CNTN5: variants seen among roughly 807,000 people sequenced by gnomAD.
The protein encoded by CNTN5 is contactin 5, also known as contactin-5.
Under a neutral mutation model 129.1 loss-of-function variants are expected in CNTN5, and 77 were observed. The ratio of observed to expected loss-of-function variants is 0.60; its 90% CI spans 0.50 to 0.72. CNTN5 has a LOEUF of 0.72. Ranked by LOEUF, CNTN5 falls within the 30% of genes least tolerant of loss-of-function variation. CNTN5 has a pLI of 0.00. For synonymous variants in CNTN5, 509 were observed against 465.6 expected (o/e 1.09, Z -1.20); for missense variants, 1,478 against 1,328.8 (o/e 1.11, Z -1.75).
intron 2 of CNTN5, among the ~76,000 whole-genome samples, chr11:99,414,050 G>A (rs78863291): frequency 0.012 from 1,846 of 152,194 alleles, 19 homozygotes; most frequent in Non-Finnish European, 0.016. Flanking sequence ...CAAAAGAAAG[G>A]AGCTTCAGTG....
chr11:99,510,602 G>A (rs1946798846), intron 2 of CNTN5, among the ~76,000 whole-genome samples: 2 of 152,062 alleles, frequency 1.3e-5, no homozygotes, highest in Admixed American at 1.3e-4. Flanking sequence ...GGTCAATAAT[G>A]GACTGCATAT....
intron 2 of CNTN5, among the ~76,000 whole-genome samples, chr11:99,541,536 A>C (rs1305268294): frequency 6.6e-6 from 1 of 152,158 alleles, no homozygotes; most frequent in Admixed American, 6.5e-5. Flanking sequence ...TATTGGACTG[A>C]CCTGCAGCTC....
chr11:100,178,820 G>A (rs923512246), intron 13 of CNTN5, among the ~76,000 whole-genome samples: 4 of 152,134 alleles, frequency 2.6e-5, no homozygotes, highest in Non-Finnish European at 5.9e-5. Context: ...GTGTCAGCAC[G>A]GATGCTTAAA....
At chr11:99,531,660 G>A (rs1947710849) in intron 2 of CNTN5, among the ~76,000 whole-genome samples, 1 of 152,200 alleles carries the variant, frequency 6.6e-6, no homozygotes, top group African/African-American at 2.4e-5. Flanking sequence ...GGTGCACTGT[G>A]TCCCAACCGT....
intron 13 of CNTN5, among the ~76,000 whole-genome samples, chr11:100,112,097 T>A (rs1165207614): frequency 6.6e-6 from 1 of 152,172 alleles, no homozygotes; most frequent in Admixed American, 6.5e-5. Flanking sequence ...GGTGTGGCCA[T>A]ATGACGTGCT....
chr11:99,913,834 G>A (rs945313866), intron 6 of CNTN5, among the ~76,000 whole-genome samples: 1 of 152,050 alleles, frequency 6.6e-6, no homozygotes, highest in African/African-American at 2.4e-5. Context: ...GGATTGAAAT[G>A]GATATTTATG....
chr11:99,551,366 AG>A (rs1948475784), intron 2 of CNTN5, among the ~76,000 whole-genome samples: 1 of 152,142 alleles, frequency 6.6e-6, no homozygotes, highest in Non-Finnish European at 1.5e-5. Flanking sequence ...GTCAGAGTAA[AG>A]GTTGTCTGGT....
chr11:99,887,004 C>G (rs1170284791), intron 6 of CNTN5, among the ~76,000 whole-genome samples: 1 of 152,092 alleles, frequency 6.6e-6, no homozygotes, highest in Admixed American at 6.6e-5. Flanking sequence ...TTATACTAGT[C>G]AGGTTCTGTT....
chr11:99,079,795 G>T (rs781312768), intron 1 of CNTN5, among the ~76,000 whole-genome samples: 1 of 152,116 alleles, frequency 6.6e-6, no homozygotes, highest in African/African-American at 2.4e-5. Context: ...CGTCAACCTG[G>T]TGAACTCCAA....
At chr11:99,991,334 G>A (rs889100496) in intron 8 of CNTN5, among the ~76,000 whole-genome samples, 1 of 129,986 alleles carries the variant, frequency 7.7e-6, no homozygotes, top group Admixed American at 7.2e-5. Context: ...AGGCGTGGTG[G>A]TGGGTCCCTG....
chr11:100,169,341 G>A (rs965628424), intron 13 of CNTN5, among the ~76,000 whole-genome samples: 9 of 151,896 alleles, frequency 5.9e-5, no homozygotes, highest in African/African-American at 2.2e-4. Flanking sequence ...CTGTATCGTT[G>A]TCTTATTTTA....
intron 13 of CNTN5, among the ~76,000 whole-genome samples, chr11:100,137,435 G>A (rs1473512330): frequency 1.3e-5 from 2 of 151,958 alleles, no homozygotes; most frequent in African/African-American, 4.8e-5. Flanking sequence ...CTAAATATAG[G>A]AACTCTCATG....
At chr11:100,039,369 T>G (rs1942239788) in intron 9 of CNTN5, among the ~76,000 whole-genome samples, 1 of 152,334 alleles carries the variant, frequency 6.6e-6, no homozygotes, top group South Asian at 2.1e-4. Context: ...CCTTTGAGGG[T>G]AACCCGACCT....
At chr11:99,331,650 GTAGAT>G (rs1252508696) in intron 2 of CNTN5, among the ~76,000 whole-genome samples, 1 of 152,114 alleles carries the variant, frequency 6.6e-6, no homozygotes, top group Non-Finnish European at 1.5e-5. Flanking sequence ...CATATCTGCA[GTAGAT>G]CAACTTTCCA....
At chr11:100,027,479 G>C (rs941433714) in intron 9 of CNTN5, among the ~76,000 whole-genome samples, 4 of 152,152 alleles carry the variant, frequency 2.6e-5, no homozygotes, top group Admixed American at 1.3e-4. Context: ...ATGGATGTTA[G>C]GTTAGGAACT....
At chr11:99,813,099 A>G (rs192891842) in intron 3 of CNTN5, among the ~76,000 whole-genome samples, 23 of 152,194 alleles carry the variant, frequency 1.5e-4, no homozygotes, top group African/African-American at 5.1e-4. Context: ...TCATGGCCAT[A>G]TCACCTGTTC....
intron 16 of CNTN5, among the ~76,000 whole-genome samples, chr11:100,247,800 A>AT (rs5794045): frequency 0.58 from 88,500 of 151,864 alleles, 27,644 homozygotes; most frequent in East Asian, 0.74. Context: ...TTATTGAAAT[A>AT]TTTTTTCATG....
chr11:99,902,318 A>G (rs145625871), intron 6 of CNTN5, among the ~76,000 whole-genome samples: 24 of 151,650 alleles, frequency 1.6e-4, no homozygotes, highest in African/African-American at 5.1e-4. Context: ...TGTTAAAATC[A>G]TATAACAGTA....
At chr11:99,447,566 G>A (rs1010490718) in intron 2 of CNTN5, among the ~76,000 whole-genome samples, 4 of 152,268 alleles carry the variant, frequency 2.6e-5, no homozygotes, top group South Asian at 2.1e-4. Flanking sequence ...TAAAACAGAA[G>A]TAAATTTTGT....
Sources: gnomAD v4.1 joint callset for allele counts (sites outside exome capture counted in the v4.1 genomes callset) on GRCh38, gnomAD v4.1.1 for gene constraint, MANE v1.5 for transcripts, NCBI Gene and HGNC (gene_info 2026-07-23, HGNC 2026-07-21) for gene names.